The following RGS7 variants were observed in gnomAD, a reference collection of about 807,000 sequenced individuals.
The protein encoded by RGS7 is regulator of G-protein signaling 7.
Under a neutral mutation model 81.1 loss-of-function variants are expected in RGS7, and 27 were observed. The ratio of observed to expected loss-of-function variants is 0.33; its 90% confidence interval spans 0.25 to 0.46. The LOEUF (loss-of-function observed/expected upper bound fraction) is 0.46. Among genes scored for constraint, RGS7 ranks in the 20% least tolerant of loss-of-function variants. RGS7 has a pLI of 1.00. For missense variants in RGS7, 396 were observed against 607.4 expected, an observed-to-expected ratio of 0.65 and a Z score of 3.66; for synonymous variants, 208 against 207.7, an observed-to-expected ratio of 1.00 and a Z score of -0.01.
intron 2 of RGS7, among the ~76,000 whole-genome samples, chr1:241,140,079 A>G (rs1254293955): frequency 6.6e-6 from 1 of 151,962 alleles, no homozygotes; most frequent in Non-Finnish European, 1.5e-5. Context: ...GTCTCCCCTC[A>G]TCTGTGCTCT....
At chr1:241,250,619 G>C (rs565925740) in intron 2 of RGS7, among the ~76,000 whole-genome samples, 1 of 152,156 alleles carries the variant, frequency 6.6e-6, no homozygotes, top group African/African-American at 2.4e-5. Context: ...CAGGCCTTTC[G>C]CTTGCATGAG....
intron 2 of RGS7, among the ~76,000 whole-genome samples, chr1:241,327,142 G>GAAAAGAAAAGAAAAGA (rs563253403): frequency 4.7e-5 from 4 of 85,338 alleles, no homozygotes; most frequent in East Asian, 7.5e-4. Context: ...AAGAAAGAAA[G>GAAAAGAAAAGAAAAGA]AAAGGAAAGA....
At chr1:241,044,752 A>G (rs1251737421) in intron 3 of RGS7, among the ~76,000 whole-genome samples, 1 of 152,062 alleles carries the variant, frequency 6.6e-6, no homozygotes, top group East Asian at 1.9e-4. Flanking sequence ...TGTTGTTTTG[A>G]TATTATCTTC....
chr1:241,071,952 ATT>A (rs970606070), intron 3 of RGS7, among the ~76,000 whole-genome samples: 4 of 148,948 alleles, frequency 2.7e-5, no homozygotes, highest in African/African-American at 9.9e-5. Context: ...TTAGAATTTT[ATT>A]TTGTCTTATT....
At chr1:240,877,696 C>T (rs1003195111) in intron 6 of RGS7, among the ~76,000 whole-genome samples, 1 of 152,112 alleles carries the variant, frequency 6.6e-6, no homozygotes, top group African/African-American at 2.4e-5. Context: ...CTATTATATG[C>T]TAACAGTTGT....
At chr1:240,999,483 A>G (rs1170479171) in intron 3 of RGS7, among the ~76,000 whole-genome samples, 2 of 152,230 alleles carry the variant, frequency 1.3e-5, no homozygotes, top group East Asian at 3.8e-4. Flanking sequence ...TGTCATGGAT[A>G]CTTCAAAATC....
intron 4 of RGS7, among the ~76,000 whole-genome samples, chr1:240,970,294 C>G (rs75497248): frequency 6.6e-6 from 1 of 152,158 alleles, no homozygotes; most frequent in African/African-American, 2.4e-5. Context: ...GGAAATACCC[C>G]CTACTTTGGC....
chr1:240,813,866 C>T (rs1212535145), intron 12 of RGS7, 138 bp from the exon 13 acceptor site: 4 of 676,844 alleles, frequency 5.9e-6, no homozygotes, highest in African/African-American at 5.4e-5. Context: ...TGGCAATCTT[C>T]ACGCTTCAGT....
chr1:240,920,644 C>T (rs1673365219), intron 6 of RGS7: 6 of 1,090,572 alleles, frequency 5.5e-6, no homozygotes, highest in Non-Finnish European at 8.2e-6. Flanking sequence ...AAGAGGAGAG[C>T]CAGAGAAGTG....
At chr1:241,290,955 C>T (rs949368933) in intron 2 of RGS7, among the ~76,000 whole-genome samples, 1 of 152,164 alleles carries the variant, frequency 6.6e-6, no homozygotes, top group African/African-American at 2.4e-5. Flanking sequence ...TAAAATGGCA[C>T]CGGTAAAGTG....
chr1:240,829,014 C>T (rs1411509246), intron 9 of RGS7, among the ~76,000 whole-genome samples: 4 of 152,074 alleles, frequency 2.6e-5, no homozygotes, highest in South Asian at 2.1e-4. Context: ...ACTACAGTAA[C>T]GGGAATCAGT....
intron 2 of RGS7, among the ~76,000 whole-genome samples, chr1:241,243,167 T>G (rs2076344958): frequency 6.6e-6 from 1 of 152,192 alleles, no homozygotes; most frequent in Non-Finnish European, 1.5e-5. Context: ...AATTGATGAG[T>G]GTCACCTGAA....
intron 2 of RGS7, chr1:241,306,013 AGGT>A (rs138570409): frequency 2.8e-4 from 44 of 154,804 alleles, no homozygotes; most frequent in African/African-American, 1.0e-3. Context: ...GAATTTGGAA[AGGT>A]TTATGGGGGC....
intron 4 of RGS7, among the ~76,000 whole-genome samples, chr1:240,977,114 A>T (rs2148534511): frequency 6.6e-6 from 1 of 151,332 alleles, no homozygotes; most frequent in South Asian, 2.1e-4. Flanking sequence ...ACACACACAC[A>T]CACACACACA....
chr1:240,902,913 G>C (rs12749071), intron 6 of RGS7, among the ~76,000 whole-genome samples: 19,469 of 152,176 alleles, frequency 0.13, 1,349 homozygotes, highest in Middle Eastern at 0.18. Flanking sequence ...ATGCAACATA[G>C]TATAATTTTA....
intron 6 of RGS7, among the ~76,000 whole-genome samples, chr1:240,896,277 CTTTAG>C (rs752911966): frequency 1.3e-5 from 2 of 152,112 alleles, no homozygotes; most frequent in Non-Finnish European, 2.9e-5. Flanking sequence ...TGCAGAAGCT[CTTTAG>C]TTTAATTAGA....
intron 2 of RGS7, among the ~76,000 whole-genome samples, chr1:241,211,343 G>T (rs2074230953): frequency 1.3e-5 from 2 of 152,126 alleles, no homozygotes; most frequent in South Asian, 4.1e-4. Flanking sequence ...ATATTAGTCA[G>T]ATAAGAGTCT....
intron 2 of RGS7, among the ~76,000 whole-genome samples, chr1:241,278,117 T>C (rs1023749693): frequency 1.6e-4 from 25 of 152,226 alleles, no homozygotes; most frequent in Admixed American, 1.6e-3. Context: ...TTCCCTTGGG[T>C]TATTTCCAAA....
intron 2 of RGS7, among the ~76,000 whole-genome samples, chr1:241,336,500 A>G (rs568851329): frequency 6.6e-6 from 1 of 152,336 alleles, no homozygotes; most frequent in African/African-American, 2.4e-5. Context: ...ACCCTAGGAC[A>G]GGATTGAATG....
Sources: allele counts gnomAD v4.1 joint callset (sites outside exome capture counted in the v4.1 genomes callset), GRCh38; gene constraint gnomAD v4.1.1; transcripts MANE v1.5; gene names NCBI Gene and HGNC (gene_info 2026-07-23, HGNC 2026-07-21).